Variants in LARGE1 observed in about 807,000 individuals in gnomAD.
LARGE1 encodes the protein LARGE xylosyl- and glucuronyltransferase 1.
A neutral mutation model predicts 87.6 loss-of-function variants in LARGE1; 43 were observed. The observed-to-expected ratio is 0.49, with a 90% CI of 0.38 to 0.63. The LOEUF is 0.63. LARGE1 is among the 30% of genes least tolerant of loss of function. The pLI is 0.00. For synonymous variants in LARGE1, 434 were observed against 394.6 expected, an observed-to-expected ratio of 1.10 and a Z score of -1.18; for missense variants, 802 against 1,000.2, an observed-to-expected ratio of 0.80 and a Z score of 2.67.
intron 2 of LARGE1, chr22:33,732,700 T>C (rs1274359446): frequency 1.3e-5 from 2 of 152,174 alleles, no homozygotes; most frequent in Non-Finnish European, 2.9e-5. Flanking sequence ...GGGGAAAAGA[T>C]TGAATGTATA....
At position 33,364,077 on chromosome 22, in the gene LARGE1, C is replaced by T. The variant is rs527730799; in HGVS notation, c.1131+17842G>A. Among the ~76,000 whole-genome samples the T allele has an allele frequency of 2.2e-4, 29 of 132,170 alleles. 1 individual carries two copies. The highest frequency in any genetic ancestry group is 6.3e-4 in the African/African-American group (23 of 36,298). 86.7% of individuals were successfully genotyped at this position (132,170 alleles called of 152,430 possible). ...GCTATATATTTTTTTTTTTTTGAGACGGAGTCTCGCTCTGTCGCCCAGGCT... is the reference window on the plus strand; with the variant it reads ...GCTATATATTTTTTTTTTTTTGAGATGGAGTCTCGCTCTGTCGCCCAGGCT... On this transcript the variant is annotated intron_variant, in intron 9 of 14. Coordinates refer to ENST00000397394, the MANE Select transcript of LARGE1 (RefSeq NM_133642.5).
intron 13 of LARGE1, 107 bp downstream of exon 13, chr22:33,283,095 A>G: frequency 6.4e-6 from 9 of 1,403,496 alleles, no homozygotes; most frequent in Non-Finnish European, 9.1e-6. Flanking sequence ...CTCACAATGG[A>G]CTAAGGCGAG....
the LARGE1 span, among the ~76,000 whole-genome samples, chr22:33,074,240 T>G: frequency 6.6e-6 from 1 of 152,082 alleles, no homozygotes; most frequent in Non-Finnish European, 1.5e-5. Context: ...CCCACATCTC[T>G]CCTCCATAGA....
chr22:33,088,857 G>T, the LARGE1 span, among the ~76,000 whole-genome samples: 481 of 152,312 alleles, frequency 3.2e-3, 5 homozygotes, highest in African/African-American at 0.011. Flanking sequence ...GGAAAATGGG[G>T]ATAATAGTGG....
intron 2 of LARGE1, among the ~76,000 whole-genome samples, chr22:33,754,328 G>A (rs943988076): frequency 2.0e-5 from 3 of 150,324 alleles, no homozygotes; most frequent in Non-Finnish European, 4.4e-5. Flanking sequence ...TTAAACATTG[G>A]CTGAAAAAGT....
chr22:33,432,053 A>C (rs2067098611), intron 7 of LARGE1, 108 bp downstream of exon 7: 6 of 842,964 alleles, frequency 7.1e-6, no homozygotes, highest in Admixed American at 5.9e-5. Flanking sequence ...GAATTCAAGC[A>C]ATCAGGTGGC....
intron 3 of LARGE1, among the ~76,000 whole-genome samples, chr22:33,639,458 T>G (rs562909998): frequency 6.6e-6 from 1 of 152,166 alleles, no homozygotes; most frequent in East Asian, 1.9e-4. Context: ...AGTGGAGAAG[T>G]TGAATATTCA....
At chr22:33,625,868 G>A (rs1453715144) in intron 4 of LARGE1, among the ~76,000 whole-genome samples, 1 of 152,062 alleles carries the variant, frequency 6.6e-6, no homozygotes, top group Non-Finnish European at 1.5e-5. Context: ...AGGAATGAGG[G>A]CCTCACCATA....
chr22:33,885,561 T>C (rs937954813), intron 1 of LARGE1, among the ~76,000 whole-genome samples: 2 of 152,246 alleles, frequency 1.3e-5, no homozygotes, highest in Non-Finnish European at 1.5e-5. Flanking sequence ...ATGTGCTTTA[T>C]AAACTCTGAA....
At chr22:33,682,068 G>A (rs956525988) in intron 2 of LARGE1, among the ~76,000 whole-genome samples, 10 of 152,022 alleles carry the variant, frequency 6.6e-5, no homozygotes, top group Non-Finnish European at 7.4e-5. Context: ...GTGGTGCGTG[G>A]ACACTGCAAA....
intron 11 of LARGE1, among the ~76,000 whole-genome samples, chr22:33,235,866 C>T (rs1353747888): frequency 1.3e-5 from 2 of 152,102 alleles, no homozygotes; most frequent in African/African-American, 4.8e-5. Context: ...TTTATATTTG[C>T]CCAGAATGTT....
rs138980823 is a variant in LARGE1 at position 33,222,063 on chromosome 22, A to C, written c.1731-55231T>G. On this transcript the variant is annotated intron_variant, in intron 11 of 11. Coordinates refer to the LARGE1 transcript ENST00000608642. The stretch of plus-strand genomic sequence containing the variant: ...CTTCCTACCTCTTTCTGGAGCATTA[A>C]AATGTAATTTCTCTCTATTTCCACT... Among the ~76,000 whole-genome samples, 724 of 152,274 alleles carry C rather than the reference A, an allele frequency of 4.8e-3. 6 individuals are homozygous for C. Among genetic ancestry groups the C allele is most frequent in the Non-Finnish European group, 8.4e-3 (574 of 68,030 alleles).
Position 33,274,693 on chromosome 22 carries a change from G to A in LARGE1, c.2074-69C>T, listed in dbSNP as rs41282597. On this transcript the variant is annotated intron_variant, in intron 14 of 14. Transcript: ENST00000397394. ...GGTCATGCATGATGAAGGCCCAAGC[G>A]AATGATTGAATGGCTAGTGAATGAA... is the stretch of plus-strand genomic sequence containing the variant. 74,614 of 1,307,118 alleles carry A rather than the reference G, an allele frequency of 0.057. 2,371 individuals carry two copies. The highest frequency in any genetic ancestry group is 0.075 in the Middle Eastern group (407 of 5,412). The allele number at this position is 1,307,118 out of a possible 1,614,324, so 81.0% of individuals were successfully genotyped here.
chr22:33,373,898 C>T (rs908465908), intron 9 of LARGE1, among the ~76,000 whole-genome samples: 13 of 136,072 alleles, frequency 9.6e-5, no homozygotes, highest in South Asian at 4.6e-4. Context: ...CACTTGAACC[C>T]GGGAGGTGGA....
chr22:33,547,651 GGGCATGGT>G (rs1267616015), intron 6 of LARGE1, among the ~76,000 whole-genome samples: 1 of 151,862 alleles, frequency 6.6e-6, no homozygotes, highest in Non-Finnish European at 1.5e-5. Flanking sequence ...AAAATTAGCT[GGGCATGGT>G]GGCATGTACC....
intron 11 of LARGE1, among the ~76,000 whole-genome samples, chr22:33,172,686 C>T (rs968679227): frequency 6.6e-6 from 1 of 152,096 alleles, no homozygotes; most frequent in African/African-American, 2.4e-5. Context: ...GATTATAGTG[C>T]TCTATTCGAG....
At chr22:33,893,233 A>T (rs1289643442) in intron 1 of LARGE1, among the ~76,000 whole-genome samples, 1 of 152,210 alleles carries the variant, frequency 6.6e-6, no homozygotes, top group African/African-American at 2.4e-5. Flanking sequence ...CACCAGCTCC[A>T]AAAGGGTAGG....
chr22:33,801,518 T>A (rs1471475549), intron 1 of LARGE1, among the ~76,000 whole-genome samples: 1 of 152,228 alleles, frequency 6.6e-6, no homozygotes, highest in African/African-American at 2.4e-5. Context: ...GTGACATGTC[T>A]AAGTCTTTTG....
At chr22:33,442,934 A>G (rs2067534438) in intron 6 of LARGE1, among the ~76,000 whole-genome samples, 1 of 151,914 alleles carries the variant, frequency 6.6e-6, no homozygotes, top group Admixed American at 6.6e-5. Flanking sequence ...CTGGGACTAC[A>G]GGCGCCCGCA....
Sources: allele counts gnomAD v4.1 joint callset (sites outside exome capture counted in the v4.1 genomes callset), GRCh38; gene constraint gnomAD v4.1.1; transcripts MANE v1.5; gene names NCBI Gene and HGNC (gene_info 2026-07-23, HGNC 2026-07-21).